CD47: variants seen among roughly 807,000 people sequenced by gnomAD.
CD47 encodes the protein leukocyte surface antigen CD47.
In CD47, 11 loss-of-function variants were observed where a neutral mutation model predicts 44.6. That is an observed-to-expected ratio of 0.25 (90% confidence interval 0.16 to 0.41). CD47 has a LOEUF of 0.41. CD47 is among the 10% of genes least tolerant of loss of function. The probability of loss-of-function intolerance (pLI) is 1.00; values close to 1 mark genes in which losing one functional copy is unlikely to be tolerated. For synonymous variants in CD47, 140 were observed against 136.3 expected (o/e 1.03, Z -0.19); for missense variants, 306 against 386.7 (o/e 0.79, Z 1.75).
At chr3:108,065,244 G>A (rs1576999774) in intron 3 of CD47, among the ~76,000 whole-genome samples, 3 of 152,322 alleles carry the variant, frequency 2.0e-5, no homozygotes. Flanking sequence ...GATGAAAGAA[G>A]AGGATGTCCA....
intron 1 of CD47, among the ~76,000 whole-genome samples, chr3:108,090,274 G>T (rs1474267259): frequency 6.6e-6 from 1 of 152,186 alleles, no homozygotes; most frequent in African/African-American, 2.4e-5. Flanking sequence ...ACGGCCGGAA[G>T]ATTCTTCTGA....
intron 1 of CD47, among the ~76,000 whole-genome samples, chr3:108,082,030 C>T (rs2079430228): frequency 1.3e-5 from 2 of 151,856 alleles, no homozygotes; most frequent in Non-Finnish European, 2.9e-5. Context: ...ATTATTTCCC[C>T]TGAGAGAGAA....
intron 6 of CD47, 76 bp downstream of exon 6, chr3:108,058,261 A>T: frequency 1.2e-6 from 1 of 818,578 alleles, no homozygotes; most frequent in Non-Finnish European, 1.8e-6. Context: ...TTAAAAAGAG[A>T]GAAAGAAAAA....
At chr3:108,088,450 G>T (rs2079562499) in intron 1 of CD47, among the ~76,000 whole-genome samples, 1 of 152,070 alleles carries the variant, frequency 6.6e-6, no homozygotes, top group African/African-American at 2.4e-5. Context: ...CTAGACTGCT[G>T]GGGCGGCCCC....
Position 108,059,536 on chromosome 3 carries a change from A to T in CD47, c.607T>A (p.Ser203Thr). The change falls in exon 5 of 11, where the codon TCA (serine) becomes ACA (threonine). Residue 203 changes from serine (S) to threonine (T), a missense_variant. Transcript: ENST00000361309. ...GAILFVPGEY[S>T]LKNATGLGLI... is the part of the protein sequence containing the mutation. ...CCAAGGCCAGTAGCATTCTTTAATGAATATTCACCTGTCAATAAATAAAAA... is the reference window on the plus strand; with the variant it reads ...CCAAGGCCAGTAGCATTCTTTAATGTATATTCACCTGTCAATAAATAAAAA... The T allele has an allele frequency of 7.0e-7, 1 of 1,433,958 alleles. No homozygotes were observed. The highest frequency in any genetic ancestry group is 9.5e-7 in the Non-Finnish European group (1 of 1,056,252). The allele number at this position is 1,433,958 out of a possible 1,614,324, so 88.8% of individuals were successfully genotyped here.
Position 108,080,400 on chromosome 3 carries a change from C to T in CD47, c.47-56G>A, listed in dbSNP as rs186475992. The stretch of plus-strand genomic sequence containing the variant: ...ATTATAGAAGTCTGTACTGTAAGAT[C>T]TTAGGCATGTTACAAATCCTTAAGA... On this transcript the variant is annotated intron_variant, in intron 1 of 10. Coordinates refer to ENST00000361309, the MANE Select transcript of CD47 (RefSeq NM_001777.4). 7.4e-4 allele frequency: 638 copies of T among 861,452 alleles called. 2 individuals carry two copies. Among genetic ancestry groups the T allele is most frequent in the Non-Finnish European group, 1.1e-3 (592 of 547,174 alleles). The allele number at this position is 861,452 out of a possible 1,614,324, so 53.4% of individuals were successfully genotyped here. A position where few individuals can be genotyped will look rare whatever the true frequency, so the allele number is the denominator to read the frequency against.
Position 108,045,239 on chromosome 3 carries a change from T to C in CD47, c.*2049A>G, listed in dbSNP as rs1192000653. 6.6e-6 allele frequency: 1 copy of C among 152,636 alleles called. No individual in the cohort carries two copies. The highest frequency in any genetic ancestry group is 1.9e-4 in the East Asian group (1 of 5,204). 9.5% of individuals were successfully genotyped at this position (152,636 alleles called of 1,614,324 possible). On this transcript the variant is annotated 3_prime_UTR_variant, in exon 11 of 11. Transcript: ENST00000361309. ...AAATAAATGAGAGTTTACTACATAT[T>C]AAAAGGTACAACTTTAGTTTATAAA...
At chr3:108,051,494 A>G (rs2108222190) in intron 8 of CD47, among the ~76,000 whole-genome samples, 1 of 152,336 alleles carries the variant, frequency 6.6e-6, no homozygotes, top group East Asian at 1.9e-4. Context: ...CTCCGAACAG[A>G]TGTTTTCAGC....
chr3:108,070,815 T>G (rs866450061), intron 3 of CD47, among the ~76,000 whole-genome samples: 4 of 151,362 alleles, frequency 2.6e-5, no homozygotes, highest in Non-Finnish European at 5.9e-5. Flanking sequence ...AAATGTGACA[T>G]GAGTTTAAGG....
At position 108,059,479 on chromosome 3, in the gene CD47, A is replaced by C; in HGVS notation, c.664T>G (p.Leu222Val). ...LIVTSTGILI[L>V]LHYYVFSTAI... ...GTACTAAACACATAGTAGTGAAGTA[A>C]TATTAATATCCCTGTAGAAGTCACA... is the stretch of plus-strand genomic sequence containing the variant. The change falls in exon 5 of 11, where the codon TTA becomes GTA. Residue 222 changes from leucine (L) to valine (V), a missense_variant. By Grantham distance (32) the Leu-to-Val change is conservative. Transcript: ENST00000361309. The C allele has an allele frequency of 6.6e-7, 1 of 1,518,150 alleles. No individual in the cohort carries two copies. The highest frequency in any genetic ancestry group is 1.4e-5 in the African/African-American group (1 of 70,476). The allele number at this position is 1,518,150 out of a possible 1,614,324, so 94.0% of individuals were successfully genotyped here. A position where few individuals can be genotyped will look rare whatever the true frequency, so the allele number is the denominator to read the frequency against.
At chr3:108,087,389 C>T (rs954514789) in intron 1 of CD47, among the ~76,000 whole-genome samples, 1 of 152,078 alleles carries the variant, frequency 6.6e-6, no homozygotes, top group African/African-American at 2.4e-5. Flanking sequence ...AAGAGGCCAA[C>T]TTAGAATTAA....
At chr3:108,051,718 A>G (rs1226432264) in intron 8 of CD47, 1 of 640,578 alleles carries the variant, frequency 1.6e-6, no homozygotes, top group Non-Finnish European at 3.0e-6. Context: ...AAGTCAGTAC[A>G]ATCTTAAGAA....
chr3:108,054,760 A>C lies in CD47; in HGVS notation c.877+2717T>G, dbSNP rs1362450095. On this transcript the variant is annotated intron_variant, in intron 7 of 10. Transcript: ENST00000361309. The stretch of plus-strand genomic sequence containing the variant: ...TATCTGAATTTGTATCTATACATAG[A>C]TATAAATTCTACGTATATATTCTGC... The C allele has an allele frequency of 5.4e-4, 82 of 152,216 alleles. 3 individuals carry two copies. The highest frequency in any genetic ancestry group is 2.9e-5 in the Non-Finnish European group (2 of 68,040). 9.4% of individuals were successfully genotyped at this position (152,216 alleles called of 1,614,324 possible).
Position 108,079,975 on chromosome 3 carries a change from T to G in CD47, c.400+16A>C, listed in dbSNP as rs1206476057. On this transcript the variant is annotated intron_variant, in intron 2 of 10. Coordinates refer to ENST00000361309, the MANE Select transcript of CD47 (RefSeq NM_001777.4). ...ACCAGGACAAATAAAAAAAGAAGCTTTCATAGAAGTCTTACCAACACGATA... is the reference window on the plus strand; with the variant it reads ...ACCAGGACAAATAAAAAAAGAAGCTGTCATAGAAGTCTTACCAACACGATA... The G allele has an allele frequency of 6.4e-7, 1 of 1,552,730 alleles. No individual in the cohort carries two copies. The highest frequency in any genetic ancestry group is 2.3e-5 in the East Asian group (1 of 44,380).
At chr3:108,090,834 C>T (rs1170101402) in intron 1 of CD47, 29 bp downstream of exon 1, 2 of 1,468,116 alleles carry the variant, frequency 1.4e-6, no homozygotes, top group East Asian at 2.9e-5. Context: ...CGACAGCAGC[C>T]GCAGGGCTGG....
intron 3 of CD47, among the ~76,000 whole-genome samples, chr3:108,067,759 T>C (rs993495017): frequency 1.3e-5 from 2 of 152,210 alleles, no homozygotes; most frequent in Non-Finnish European, 2.9e-5. Flanking sequence ...TAAGAGGCCT[T>C]TATCTTTGAA....
intron 3 of CD47, among the ~76,000 whole-genome samples, chr3:108,062,452 G>A (rs572022298): frequency 1.3e-5 from 2 of 152,046 alleles, no homozygotes; most frequent in Non-Finnish European, 2.9e-5. Context: ...TCTGCAAAGG[G>A]TTATAAAGTA....
chr3:108,049,723 A>T, intron 9 of CD47, 72 bp from the exon 10 acceptor site: 1 of 947,692 alleles, frequency 1.1e-6, no homozygotes, highest in South Asian at 1.3e-5. Context: ...AAATAAACAA[A>T]TATGCAATGA....
chr3:108,050,367 T>C (rs2078805475), intron 9 of CD47, among the ~76,000 whole-genome samples: 1 of 152,146 alleles, frequency 6.6e-6, no homozygotes, highest in Non-Finnish European at 1.5e-5. Context: ...CTGCCCGCCT[T>C]GGCCTCCCAA....
Sources: allele counts gnomAD v4.1 joint callset (sites outside exome capture counted in the v4.1 genomes callset), GRCh38; gene constraint gnomAD v4.1.1; transcripts MANE v1.5; gene names NCBI Gene and HGNC (gene_info 2026-07-23, HGNC 2026-07-21).